FAM168A: variants seen among roughly 807,000 people sequenced by gnomAD.
The protein encoded by FAM168A is protein FAM168A.
In FAM168A, 3 loss-of-function variants were observed where a neutral mutation model predicts 28.5. The observed-to-expected ratio is 0.11, with a 90% confidence interval of 0.05 to 0.27. The LOEUF is 0.27. Ranked by LOEUF, FAM168A falls within the 10% of genes least tolerant of loss-of-function variation. The pLI, the probability that FAM168A is intolerant of heterozygous loss-of-function variation, is 1.00. For synonymous variants in FAM168A, 122 were observed against 124.2 expected (o/e 0.98, Z 0.12); for missense variants, 222 against 311.5 (o/e 0.71, Z 2.16).
At position 73,545,027 on chromosome 11, in the gene FAM168A, A is replaced by ATATAATATATTATAT. The variant is rs57233496; in HGVS notation, c.-19+52895_-19+52896insATATAATATATTATA. 2.1e-4 allele frequency among the ~76,000 whole-genome samples: 16 copies of ATATAATATATTATAT among 77,444 alleles called. 2 individuals are homozygous for ATATAATATATTATAT. The highest frequency in any genetic ancestry group is 1.9e-3 in the African/African-American group (16 of 8,460). 50.8% of individuals were successfully genotyped at this position (77,444 alleles called of 152,430 possible). A position where few individuals can be genotyped will look rare whatever the true frequency, so the allele number is the denominator to read the frequency against. On this transcript the variant is annotated intron_variant, in intron 1 of 7. Coordinates refer to ENST00000356467, the MANE Select transcript of FAM168A (RefSeq NM_015159.3). ...AATATACTATATATATAGTATATATAATATATATATATTTTTTGGAGACAG... is the reference window on the plus strand; with the variant it reads ...AATATACTATATATATAGTATATATATATAATATATTATATATATATATATATTTTTTGGAGACAG...
intron 1 of FAM168A, among the ~76,000 whole-genome samples, chr11:73,491,111 C>T (rs1468703136): frequency 6.6e-6 from 1 of 152,128 alleles, no homozygotes; most frequent in Non-Finnish European, 1.5e-5. Context: ...TCATAATAAT[C>T]CTGAGCCTTC....
intron 1 of FAM168A, among the ~76,000 whole-genome samples, chr11:73,495,753 T>A (rs1229607021): frequency 2.0e-5 from 3 of 152,026 alleles, no homozygotes; most frequent in Admixed American, 1.3e-4. Flanking sequence ...ATGACTATTA[T>A]CAAAAAAACA....
At chr11:73,503,399 C>T (rs999262462) in intron 1 of FAM168A, among the ~76,000 whole-genome samples, 1 of 152,140 alleles carries the variant, frequency 6.6e-6, no homozygotes, top group African/African-American at 2.4e-5. Flanking sequence ...CTCCCATTCA[C>T]AATCACTACA....
chr11:73,499,253 G>A (rs1224579871), intron 1 of FAM168A, among the ~76,000 whole-genome samples: 10 of 152,076 alleles, frequency 6.6e-5, no homozygotes, highest in African/African-American at 2.4e-4. Context: ...GCAAACTGCA[G>A]CAGCCCTACC....
chr11:73,588,817 G>A (rs1944347545), intron 1 of FAM168A, among the ~76,000 whole-genome samples: 2 of 152,190 alleles, frequency 1.3e-5, no homozygotes, highest in South Asian at 4.1e-4. Context: ...ATTAGGTTTA[G>A]ATGATTTATA....
intron 1 of FAM168A, among the ~76,000 whole-genome samples, chr11:73,494,615 C>T (rs190273997): frequency 2.6e-5 from 4 of 152,024 alleles, no homozygotes; most frequent in African/African-American, 7.2e-5. Flanking sequence ...GTGATGAAGA[C>T]GTAGAAAAAT....
intron 1 of FAM168A, among the ~76,000 whole-genome samples, chr11:73,578,091 G>A (rs1037347022): frequency 1.3e-5 from 2 of 152,158 alleles, no homozygotes; most frequent in East Asian, 1.9e-4. Context: ...TACTATGCAA[G>A]AGACATTATG....
At chr11:73,477,473 T>A (rs1277129976) in intron 1 of FAM168A, among the ~76,000 whole-genome samples, 1 of 151,498 alleles carries the variant, frequency 6.6e-6, no homozygotes, top group African/African-American at 2.4e-5. Context: ...ACAACACATA[T>A]TAAACTACAC....
At chr11:73,556,466 T>C (rs1160260855) in intron 1 of FAM168A, among the ~76,000 whole-genome samples, 1 of 151,730 alleles carries the variant, frequency 6.6e-6, no homozygotes, top group Non-Finnish European at 1.5e-5. Context: ...TATATGATTC[T>C]ACCTATATGA....
At position 73,404,370 on chromosome 11, in the gene FAM168A, G is replaced by A. The variant is rs1245458630; in HGVS notation, c.*2393C>T. The A allele has an allele frequency of 6.6e-6, 1 of 152,022 alleles. No homozygotes were observed. Among genetic ancestry groups the A allele is most frequent in the Non-Finnish European group, 1.5e-5 (1 of 68,012 alleles). The allele number at this position is 152,022 out of a possible 1,614,324, so 9.4% of individuals were successfully genotyped here. ...ATAACTCTAACCCTGTCCCTCTCAG[G>A]GCGAGTACATGAAAGGCCGTGAAGT... On this transcript the variant is annotated 3_prime_UTR_variant, in exon 8 of 8. Transcript: ENST00000356467.
At chr11:73,412,702 G>A (rs1051437778) in intron 4 of FAM168A, among the ~76,000 whole-genome samples, 8 of 152,180 alleles carry the variant, frequency 5.3e-5, no homozygotes, top group Admixed American at 1.3e-4. Flanking sequence ...AAGGGACAGT[G>A]CCTGAGGACC....
chr11:73,502,615 A>C (rs1291325782), intron 1 of FAM168A, among the ~76,000 whole-genome samples: 2 of 152,192 alleles, frequency 1.3e-5, no homozygotes, highest in Non-Finnish European at 2.9e-5. Context: ...AACAACTGAA[A>C]AGGAGGGACT....
chr11:73,540,277 T>C (rs1020860780), intron 1 of FAM168A, among the ~76,000 whole-genome samples: 28 of 152,348 alleles, frequency 1.8e-4, no homozygotes, highest in African/African-American at 6.7e-4. Flanking sequence ...TAGGTATACA[T>C]TAAACATGTT....
At chr11:73,498,551 C>G (rs942630525) in intron 1 of FAM168A, among the ~76,000 whole-genome samples, 14 of 152,174 alleles carry the variant, frequency 9.2e-5, no homozygotes, top group African/African-American at 3.4e-4. Context: ...ACTGTCTAAG[C>G]CGTTTGAGCT....
chr11:73,535,078 G>A (rs1285318465), intron 1 of FAM168A, among the ~76,000 whole-genome samples: 2 of 152,192 alleles, frequency 1.3e-5, no homozygotes, highest in Admixed American at 6.5e-5. Flanking sequence ...ATACTGACAT[G>A]TAGTTGCCCC....
chr11:73,529,628 G>C (rs1479970013), intron 1 of FAM168A, among the ~76,000 whole-genome samples: 1 of 152,104 alleles, frequency 6.6e-6, no homozygotes, highest in African/African-American at 2.4e-5. Flanking sequence ...CAAGAAAAAT[G>C]ACATTCAATA....
intron 1 of FAM168A, among the ~76,000 whole-genome samples, chr11:73,498,527 G>T (rs1385280410): frequency 6.6e-6 from 1 of 152,154 alleles, no homozygotes; most frequent in African/African-American, 2.4e-5. Flanking sequence ...ACCAGCACTG[G>T]GTTGCAGTGG....
chr11:73,580,659 T>C (rs1944231740), intron 1 of FAM168A: 1 of 379,168 alleles, frequency 2.6e-6, no homozygotes, highest in Non-Finnish European at 5.0e-6. Context: ...AACATGTCCT[T>C]GTTGTTTTGA....
At chr11:73,482,496 T>C (rs1182958191) in intron 1 of FAM168A, among the ~76,000 whole-genome samples, 1 of 152,008 alleles carries the variant, frequency 6.6e-6, no homozygotes, top group South Asian at 2.1e-4. Flanking sequence ...CTATCTGTCA[T>C]GAGACATAGG....
Sources: allele counts gnomAD v4.1 joint callset (sites outside exome capture counted in the v4.1 genomes callset), GRCh38; gene constraint gnomAD v4.1.1; transcripts MANE v1.5; gene names NCBI Gene and HGNC (gene_info 2026-07-23, HGNC 2026-07-21).